The following ADSL variants were observed in gnomAD, a reference collection of about 807,000 sequenced individuals.
ADSL encodes the protein adenylosuccinate lyase.
In ADSL, 44 loss-of-function variants were observed where a neutral mutation model predicts 62.1. The observed-to-expected ratio is 0.71, with a 90% confidence interval of 0.56 to 0.91. The LOEUF (loss-of-function observed/expected upper bound fraction) is 0.91. Ranked by LOEUF, ADSL falls within the 40% of genes least tolerant of loss-of-function variation. The probability of loss-of-function intolerance (pLI) is 0.00; values close to 1 mark genes in which losing one functional copy is unlikely to be tolerated. For missense variants in ADSL, 531 were observed against 627.4 expected, an observed-to-expected ratio of 0.85 and a Z score of 1.64; for synonymous variants, 198 against 220.5, an observed-to-expected ratio of 0.90 and a Z score of 0.90.
chr22:40,361,934 G>A (rs887898148), intron 9 of ADSL, among the ~76,000 whole-genome samples: 5 of 152,218 alleles, frequency 3.3e-5, no homozygotes, highest in African/African-American at 4.8e-5. Context: ...AAGATCGGGA[G>A]CATTATAAAG....
rs2044940464 is a variant in ADSL, at chr22:40,364,897, C to A, written c.1209C>A (p.Ile403=). Reference sequence around the variant, plus strand: ...CTTCCCAGGATTGCCATGAGAAAATCAGAGTGCTTTCTCAGCAGGCAGCTT... The same window carrying A: ...CTTCCCAGGATTGCCATGAGAAAATAAGAGTGCTTTCTCAGCAGGCAGCTT... The part of the protein sequence containing the change: ...GGSRQDCHEK[I]RVLSQQAASV... The change falls in exon 12 of 13, where the codon ATC becomes ATA. Residue 403 remains isoleucine, a synonymous_variant. Coordinates refer to ENST00000623063, the MANE Select transcript of ADSL (RefSeq NM_000026.4). The A allele has an allele frequency of 6.2e-7, 1 of 1,614,076 alleles. No homozygotes were observed.
chr22:40,346,638 G>C lies in ADSL; in HGVS notation c.80G>C (p.Cys27Ser). 2 of 1,612,612 alleles carry C rather than the reference G, an allele frequency of 1.2e-6. No individual in the cohort carries two copies. The highest frequency in any genetic ancestry group is 1.7e-6 in the Non-Finnish European group (2 of 1,179,496). Residue 27 changes from cysteine (C) to serine (S), a missense_variant, in exon 1 of 13, where the codon TGC (cysteine) becomes TCC (serine). Transcript: ENST00000623063. Reference protein sequence around the residue: ...LASRYASPEMCFVFSDRYKFR... With the variant: ...LASRYASPEMSFVFSDRYKFR... ...TCCCGCTATGCCAGCCCGGAGATGT[G>C]CTTCGTGTTTAGCGACAGGTATAAA...
intron 4 of ADSL, among the ~76,000 whole-genome samples, chr22:40,356,888 T>C (rs753764964): frequency 6.6e-6 from 1 of 152,072 alleles, no homozygotes; most frequent in African/African-American, 2.4e-5. Flanking sequence ...TTCATAATTA[T>C]ATATTTTGTT....
intron 2 of ADSL, among the ~76,000 whole-genome samples, chr22:40,385,686 G>A (rs2048303553): frequency 6.6e-6 from 1 of 152,134 alleles, no homozygotes; most frequent in African/African-American, 2.4e-5. Flanking sequence ...GAGTAGTTGG[G>A]TTTCAGAAGA....
Position 40,361,608 on chromosome 22 carries a change from A to AC in ADSL, c.983_984insC (p.Glu328AspfsTer6). 4 of 1,614,002 alleles carry AC rather than the reference A, an allele frequency of 2.5e-6. No individual in the cohort carries two copies. Among genetic ancestry groups the AC allele is most frequent in the Non-Finnish European group, 3.4e-6 (4 of 1,180,032 alleles). On this transcript the variant is annotated frameshift_variant, in exon 9 of 13. Transcript: ENST00000623063. LOFTEE classifies it high-confidence loss of function. ...CAGACAGCATCTGTCCAGTGGTTTG[A>AC]ACGCACACTGGATGATAGTGCCAAC...
intron 2 of ADSL, among the ~76,000 whole-genome samples, chr22:40,385,227 GA>G (rs1342403528): frequency 6.6e-6 from 1 of 152,226 alleles, no homozygotes; most frequent in East Asian, 1.9e-4. Context: ...GGTGGTGACA[GA>G]AGCTAGGGTG....
At chr22:40,380,618 G>A (rs776119430) in intron 2 of ADSL, among the ~76,000 whole-genome samples, 8 of 152,032 alleles carry the variant, frequency 5.3e-5, no homozygotes, top group East Asian at 1.9e-4. Flanking sequence ...CATTACAGGC[G>A]TGAGTCACTG....
intron 2 of ADSL, among the ~76,000 whole-genome samples, chr22:40,352,355 T>C (rs1045524031): frequency 4.6e-5 from 7 of 151,954 alleles, no homozygotes; most frequent in African/African-American, 1.4e-4. Context: ...GGTGAAACCC[T>C]GTCTCTACTA....
intron 2 of ADSL, among the ~76,000 whole-genome samples, chr22:40,381,452 A>G (rs917022092): frequency 2.0e-5 from 3 of 152,212 alleles, no homozygotes; most frequent in Non-Finnish European, 4.4e-5. Flanking sequence ...CCCGGCTACA[A>G]GGCATTTTAA....
At chr22:40,352,945 T>A (rs2146633798) in intron 2 of ADSL, 128 bp from the exon 3 acceptor site, 1 of 731,212 alleles carries the variant, frequency 1.4e-6, no homozygotes, top group Non-Finnish European at 2.5e-6. Context: ...CTGGCGTGCT[T>A]AGTGGGTTGG....
chr22:40,372,475 G>C (rs2045776711), downstream of ADSL, among the ~76,000 whole-genome samples: 1 of 152,156 alleles, frequency 6.6e-6, no homozygotes, highest in Non-Finnish European at 1.5e-5. Flanking sequence ...AGGGGAGAGG[G>C]TGAGGTGTCT....
chr22:40,359,274 C>A lies in ADSL; in HGVS notation c.669C>A (p.Asp223Glu). 1 of 1,614,108 alleles carries A rather than the reference C, an allele frequency of 6.2e-7. No individual in the cohort carries two copies. Among genetic ancestry groups the A allele is most frequent in the Non-Finnish European group, 8.5e-7 (1 of 1,180,000 alleles). Residue 223 changes from aspartate (D) to glutamate (E), a missense_variant, in exon 6 of 13, where the codon GAC becomes GAA. Around this residue, in one of 2 missense-constraint regions of ADSL, gnomAD observed 471 missense variants for 592.9 expected, o/e 0.79. Coordinates refer to ENST00000623063, the MANE Select transcript of ADSL (RefSeq NM_000026.4). ...TTCTTTCCAAGGTAGAGCAGCTTGA[C>A]AAGATGGTGACAGAAAAGGCAGGAT... The part of the protein sequence containing the change: ...EGDDHKVEQL[D>E]KMVTEKAGFK...
Position 40,359,250 on chromosome 22 carries a change from T to G in ADSL, c.655-10T>G. On this transcript the variant is annotated splice_polypyrimidine_tract_variant and intron_variant, in intron 5 of 12. Coordinates refer to ENST00000623063, the MANE Select transcript of ADSL (RefSeq NM_000026.4). ...TGGATTATTATAAGGATGTGTCTTTTCTTTCCAAGGTAGAGCAGCTTGACA... is the reference window on the plus strand; with the variant it reads ...TGGATTATTATAAGGATGTGTCTTTGCTTTCCAAGGTAGAGCAGCTTGACA... 1 of 1,614,130 alleles carries G rather than the reference T, an allele frequency of 6.2e-7. No homozygotes were observed. Among genetic ancestry groups the G allele is most frequent in the Non-Finnish European group, 8.5e-7 (1 of 1,179,982 alleles).
At chr22:40,350,133 C>CA in intron 2 of ADSL, 98 bp downstream of exon 2, 2 of 889,292 alleles carry the variant, frequency 2.2e-6, no homozygotes, top group Non-Finnish European at 3.4e-6. Flanking sequence ...CACTATAGAT[C>CA]TTTTTTTTTT....
intron 2 of ADSL, chr22:40,352,069 A>G (rs2743719): frequency 1.3e-5 from 2 of 152,214 alleles, no homozygotes; most frequent in African/African-American, 4.8e-5. Context: ...TTAAAAAAGT[A>G]CCCAGTTGTG....
intron 4 of ADSL, among the ~76,000 whole-genome samples, chr22:40,355,201 A>AT (rs2044506597): frequency 6.6e-6 from 1 of 152,004 alleles, no homozygotes; most frequent in African/African-American, 2.4e-5. Context: ...CAGTGGTGTG[A>AT]TTTTGGCTCA....
At chr22:40,353,906 A>G (rs1455733355) in intron 3 of ADSL, 110 of 381,846 alleles carry the variant, frequency 2.9e-4, no homozygotes, top group Non-Finnish European at 1.6e-4. Flanking sequence ...GATTACAGGC[A>G]TGAGCCACCG....
At chr22:40,369,760 C>T (rs1311768701), downstream of ADSL, among the ~76,000 whole-genome samples, 1 of 152,072 alleles carries the variant, frequency 6.6e-6, no homozygotes, top group Non-Finnish European at 1.5e-5. Context: ...CACACGGACT[C>T]CAGCATCAGA....
At chr22:40,371,243 G>A (rs2045405922), downstream of ADSL, among the ~76,000 whole-genome samples, 1 of 152,228 alleles carries the variant, frequency 6.6e-6, no homozygotes, top group African/African-American at 2.4e-5. Context: ...GTGTGGTTAG[G>A]ACTGGAATTT....
Sources: gnomAD v4.1 joint callset for allele counts (sites outside exome capture counted in the v4.1 genomes callset) on GRCh38, gnomAD v4.1.1 for gene constraint, gnomAD v4.1.1 regional missense constraint, MANE v1.5 for transcripts, NCBI Gene and HGNC (gene_info 2026-07-23, HGNC 2026-07-21) for gene names.